NPAS3: variants seen among roughly 807,000 people sequenced by gnomAD.
NPAS3 encodes neuronal PAS domain protein 3.
A neutral mutation model predicts 73.1 loss-of-function variants in NPAS3; 14 were observed. That is an observed-to-expected ratio of 0.19 (90% CI 0.13 to 0.30). The LOEUF is 0.30. Among genes scored for constraint, NPAS3 ranks in the 10% least tolerant of loss-of-function variants. The pLI is 1.00. For synonymous variants in NPAS3, 620 were observed against 541.5 expected, an observed-to-expected ratio of 1.14 and a Z score of -2.01; for missense variants, 1,096 against 1,250.0, an observed-to-expected ratio of 0.88 and a Z score of 1.86.
rs1185684655 is a variant in NPAS3 at position 33,005,783 on chromosome 14, C to T, written c.51-50122C>T. 6.6e-5 allele frequency among the ~76,000 whole-genome samples: 10 copies of T among 152,044 alleles called. 1 individual carries two copies. In the South Asian group the frequency reaches 1.0e-3, roughly 16 times the overall value. On this transcript the variant is annotated intron_variant, in intron 1 of 11. Transcript: ENST00000356141. ...TAGCTTTCCTCATTTTTTTAAATGTCGGCTTTCATGATAGCACTTGTGAGT... is the reference window on the plus strand; with the variant it reads ...TAGCTTTCCTCATTTTTTTAAATGTTGGCTTTCATGATAGCACTTGTGAGT...
intron 3 of NPAS3, among the ~76,000 whole-genome samples, chr14:33,313,369 C>A (rs936071586): frequency 2.0e-5 from 3 of 151,934 alleles, no homozygotes; most frequent in Non-Finnish European, 4.4e-5. Flanking sequence ...AATCACAGTG[C>A]CATCTAAAGT....
chr14:33,774,413 G>A, exon 8 of NPAS3: 1 of 1,614,174 alleles, frequency 6.2e-7, no homozygotes, highest in Non-Finnish European at 8.5e-7. Context: ...CAAATCATGG[G>A]TCTCGTGGTT....
At chr14:33,529,887 T>TC (rs1390278633) in intron 4 of NPAS3, among the ~76,000 whole-genome samples, 2 of 152,146 alleles carry the variant, frequency 1.3e-5, no homozygotes, top group East Asian at 3.8e-4. Context: ...GGCAGCATGT[T>TC]CTATTAACAT....
At chr14:33,359,770 A>G (rs1269682059) in intron 3 of NPAS3, among the ~76,000 whole-genome samples, 2 of 152,140 alleles carry the variant, frequency 1.3e-5, no homozygotes, top group African/African-American at 2.4e-5. Context: ...CAAATTTGGT[A>G]TGTTCTCTTT....
chr14:33,015,663 C>T (rs778533734), intron 1 of NPAS3, among the ~76,000 whole-genome samples: 12 of 152,164 alleles, frequency 7.9e-5, no homozygotes, highest in Non-Finnish European at 1.3e-4. Flanking sequence ...GCAGTACTCA[C>T]ACATATATAC....
At chr14:33,364,683 TGA>T (rs2045756564) in intron 3 of NPAS3, among the ~76,000 whole-genome samples, 1 of 152,114 alleles carries the variant, frequency 6.6e-6, no homozygotes, top group South Asian at 2.1e-4. Context: ...AACTCATGGA[TGA>T]AGACATTTCC....
intron 6 of NPAS3, among the ~76,000 whole-genome samples, chr14:33,677,494 A>G (rs919803596): frequency 3.9e-5 from 6 of 152,234 alleles, no homozygotes; most frequent in Admixed American, 2.0e-4. Context: ...ATACAAAAGC[A>G]TTTTATTAAC....
intron 2 of NPAS3, among the ~76,000 whole-genome samples, chr14:33,085,565 G>A (rs370498027): frequency 7.2e-4 from 110 of 152,236 alleles, no homozygotes; most frequent in Middle Eastern, 3.4e-3. Flanking sequence ...TGGGCTAGTC[G>A]TGTGATTAAA....
chr14:33,307,592 A>AGTGTGTGTGTGTGTGTGTGTGTGTGT (rs1207155386), intron 3 of NPAS3, among the ~76,000 whole-genome samples: 8 of 23,246 alleles, frequency 3.4e-4, no homozygotes, highest in Non-Finnish European at 6.1e-4. Context: ...GTTTTTTTTC[A>AGTGTGTGTGTGTGTGTGTGTGTGTGT]ATGTGTGTGT....
chr14:33,684,773 T>A (rs765269531), intron 6 of NPAS3, among the ~76,000 whole-genome samples: 32 of 152,192 alleles, frequency 2.1e-4, no homozygotes, highest in Admixed American at 1.4e-3. Context: ...CTGCTCTGTG[T>A]CGGCCAACAC....
At chr14:33,775,007 T>C (rs752257145) in intron 8 of NPAS3, among the ~76,000 whole-genome samples, 1 of 152,128 alleles carries the variant, frequency 6.6e-6, no homozygotes, top group Non-Finnish European at 1.5e-5. Context: ...AGCTATTAAA[T>C]AAAACTTTGT....
intron 3 of NPAS3, among the ~76,000 whole-genome samples, chr14:33,244,564 T>C (rs2048316706): frequency 1.3e-5 from 2 of 152,200 alleles, no homozygotes; most frequent in South Asian, 4.1e-4. Flanking sequence ...CTTGCTTTCT[T>C]TTAATTTTGT....
In NPAS3 at chr14:33,458,030, T is replaced by C. The variant is rs1292906535; in HGVS notation, c.468+90762T>C. ...TTTACATCTGGCATATGACTGACAA[T>C]ACTTTCAAGGACATAGCTGTTGTGG... On this transcript the variant is annotated intron_variant, in intron 4 of 11. Coordinates refer to ENST00000356141, the Ensembl canonical transcript of NPAS3. Among the ~76,000 whole-genome samples, 7 of 152,332 alleles carry C rather than the reference T, an allele frequency of 4.6e-5. No individual in the cohort carries two copies. In the East Asian group the frequency reaches 1.3e-3, roughly 29 times the overall value.
chr14:33,110,016 T>G (rs2042840812), intron 2 of NPAS3, among the ~76,000 whole-genome samples: 1 of 151,850 alleles, frequency 6.6e-6, no homozygotes. Context: ...CACCAGTTCC[T>G]TATACGAAGG....
chr14:33,757,732 G>C (rs1258333155), intron 7 of NPAS3, among the ~76,000 whole-genome samples: 1 of 152,200 alleles, frequency 6.6e-6, no homozygotes, highest in African/African-American at 2.4e-5. Flanking sequence ...GCCAAGAGAA[G>C]TGATGCACTC....
At chr14:32,977,937 G>A (rs1328331387) in intron 1 of NPAS3, among the ~76,000 whole-genome samples, 2 of 152,178 alleles carry the variant, frequency 1.3e-5, no homozygotes, top group East Asian at 1.9e-4. Context: ...GAAGAGGACC[G>A]GCAAAGTTGG....
At chr14:33,147,311 CA>C (rs2044270081) in intron 2 of NPAS3, among the ~76,000 whole-genome samples, 1 of 152,124 alleles carries the variant, frequency 6.6e-6, no homozygotes, top group African/African-American at 2.4e-5. Context: ...CTGTTCTTTA[CA>C]GGTCACTTCT....
At chr14:33,787,594 A>G (rs1188232045) in intron 9 of NPAS3, among the ~76,000 whole-genome samples, 2 of 31,022 alleles carry the variant, frequency 6.4e-5, no homozygotes, top group Non-Finnish European at 1.2e-4. Context: ...CAGCATATAG[A>G]TTTACAAAAA....
intron 1 of NPAS3, among the ~76,000 whole-genome samples, chr14:32,994,059 A>C (rs2038450886): frequency 6.6e-6 from 1 of 152,226 alleles, no homozygotes; most frequent in African/African-American, 2.4e-5. Context: ...ATGCAGAGAT[A>C]TCATCCTTTG....
Sources: allele counts gnomAD v4.1 joint callset (sites outside exome capture counted in the v4.1 genomes callset), GRCh38; gene constraint gnomAD v4.1.1; transcripts MANE v1.5; gene names NCBI Gene and HGNC (gene_info 2026-07-23, HGNC 2026-07-21).